SLC35D4: variants seen among roughly 807,000 people sequenced by gnomAD.
SLC35D4 encodes UDP-N-acetylglucosamine transporter SLC35D4.
At chr18:23,281,349 A>T in the SLC35D4 span, among the ~76,000 whole-genome samples, 18 of 152,050 alleles carry the variant, frequency 1.2e-4, no homozygotes, top group Non-Finnish European at 2.1e-4. Flanking sequence ...TTGAGACAAG[A>T]TCTTGTTCTG....
chr18:23,324,046 G>A, the SLC35D4 span, among the ~76,000 whole-genome samples: 2 of 149,952 alleles, frequency 1.3e-5, no homozygotes, highest in African/African-American at 4.9e-5. Context: ...TCACACCACC[G>A]CACTCCACCC....
chr18:23,432,694 A>G, the SLC35D4 span, among the ~76,000 whole-genome samples: 10 of 151,284 alleles, frequency 6.6e-5, no homozygotes, highest in Admixed American at 1.3e-4. Context: ...AAAAAAAAAA[A>G]AAAGAAAGAG....
the SLC35D4 span, among the ~76,000 whole-genome samples, chr18:23,248,512 C>CTTTTTTTTTTTTT: frequency 2.7e-3 from 247 of 90,706 alleles, 12 homozygotes; most frequent in Non-Finnish European, 2.9e-3. Flanking sequence ...GACCCTATGT[C>CTTTTTTTTTTTTT]TTTTTTTTTT....
the SLC35D4 span, among the ~76,000 whole-genome samples, chr18:23,311,804 C>CT: frequency 2.6e-5 from 4 of 152,302 alleles, no homozygotes; most frequent in South Asian, 2.1e-4. Context: ...GATTACCTTC[C>CT]TTTTTTGTAA....
the SLC35D4 span, among the ~76,000 whole-genome samples, chr18:23,371,146 G>A: frequency 2.0e-5 from 3 of 150,180 alleles, no homozygotes; most frequent in Non-Finnish European, 4.4e-5. Flanking sequence ...CCAGGCTGGA[G>A]TGCGGTGGTG....
At chr18:23,276,423 C>T in the SLC35D4 span, among the ~76,000 whole-genome samples, 8 of 150,178 alleles carry the variant, frequency 5.3e-5, no homozygotes, top group African/African-American at 2.0e-4. Flanking sequence ...TGTATTTTAC[C>T]AGAATTTTGT....
chr18:23,401,678 G>A, the SLC35D4 span, among the ~76,000 whole-genome samples: 2 of 152,170 alleles, frequency 1.3e-5, no homozygotes, highest in Non-Finnish European at 2.9e-5. Context: ...TGGGTGAAAC[G>A]GCAGCTGGCC....
chr18:23,397,484 G>A, the SLC35D4 span, among the ~76,000 whole-genome samples: 4 of 152,194 alleles, frequency 2.6e-5, no homozygotes, highest in African/African-American at 9.7e-5. Flanking sequence ...AACAAAGATG[G>A]GGAGCAGAAT....
the SLC35D4 span, among the ~76,000 whole-genome samples, chr18:23,392,906 G>A: frequency 6.6e-6 from 1 of 152,084 alleles, no homozygotes; most frequent in Non-Finnish European, 1.5e-5. Flanking sequence ...CTGGAACCTA[G>A]GTGATTTTTA....
At chr18:23,245,406 G>T in the SLC35D4 span, among the ~76,000 whole-genome samples, 758 of 151,828 alleles carry the variant, frequency 5.0e-3, 9 homozygotes, top group African/African-American at 0.017. Context: ...AGCTACTTGG[G>T]AGACTGAGGC....
the SLC35D4 span, among the ~76,000 whole-genome samples, chr18:23,428,590 C>G: frequency 6.6e-6 from 1 of 152,090 alleles, no homozygotes; most frequent in East Asian, 1.9e-4. Context: ...TGATTACAGC[C>G]CACTGCAGCC....
chr18:23,249,293 A>T, the SLC35D4 span, among the ~76,000 whole-genome samples: 1 of 152,128 alleles, frequency 6.6e-6, no homozygotes, highest in Non-Finnish European at 1.5e-5. Flanking sequence ...TCCCAGGAGG[A>T]GGTTGGATGT....
At chr18:23,408,589 C>A in the SLC35D4 span, among the ~76,000 whole-genome samples, 31 of 152,010 alleles carry the variant, frequency 2.0e-4, no homozygotes, top group African/African-American at 7.5e-4. Flanking sequence ...GGGATAAGAA[C>A]AAAAAATGCC....
At chr18:23,299,244 G>C in the SLC35D4 span, among the ~76,000 whole-genome samples, 78 of 152,316 alleles carry the variant, frequency 5.1e-4, 1 homozygote, top group South Asian at 2.1e-3. Flanking sequence ...GTGAGGCTTA[G>C]AAATAATACA....
At chr18:23,342,878 T>G in the SLC35D4 span, among the ~76,000 whole-genome samples, 2 of 152,248 alleles carry the variant, frequency 1.3e-5, no homozygotes, top group Non-Finnish European at 1.5e-5. Context: ...TTATGAAATA[T>G]CTGTTCATGT....
At chr18:23,387,732 T>A in the SLC35D4 span, among the ~76,000 whole-genome samples, 1 of 152,164 alleles carries the variant, frequency 6.6e-6, no homozygotes, top group Non-Finnish European at 1.5e-5. Flanking sequence ...TCTTACCTTT[T>A]TAAAAAAACA....
the SLC35D4 span, among the ~76,000 whole-genome samples, chr18:23,248,599 G>A: frequency 0.013 from 1,934 of 150,730 alleles, 12 homozygotes; most frequent in Middle Eastern, 0.024. Context: ...AGGCCGAGGC[G>A]GGTGGATCAC....
the SLC35D4 span, among the ~76,000 whole-genome samples, chr18:23,275,506 C>G: frequency 6.6e-6 from 1 of 152,130 alleles, no homozygotes; most frequent in African/African-American, 2.4e-5. Context: ...GAAGGGGCTT[C>G]GCGAGAACAA....
chr18:23,409,185 T>C, the SLC35D4 span, among the ~76,000 whole-genome samples: 1 of 152,120 alleles, frequency 6.6e-6, no homozygotes, highest in Admixed American at 6.5e-5. Context: ...ACCATAAATT[T>C]TTGAAAATAC....
Sources: allele counts gnomAD v4.1 joint callset (sites outside exome capture counted in the v4.1 genomes callset), GRCh38; gene constraint gnomAD v4.1.1; transcripts MANE v1.5; gene names NCBI Gene and HGNC (gene_info 2026-07-23, HGNC 2026-07-21).